MBTD1: variants seen among roughly 807,000 people sequenced by gnomAD.
MBTD1 encodes mbt domain containing 1, also known as MBT domain-containing protein 1.
Under a neutral mutation model 87.8 loss-of-function variants are expected in MBTD1, and 24 were observed. The observed-to-expected ratio is 0.27, with a 90% CI of 0.20 to 0.38. The LOEUF (loss-of-function observed/expected upper bound fraction) is 0.38, where lower values mean the gene tolerates loss of function less well. Ranked by LOEUF, MBTD1 falls within the 10% of genes least tolerant of loss-of-function variation. MBTD1 has a pLI of 1.00. For missense variants in MBTD1, 436 were observed against 760.2 expected, an observed-to-expected ratio of 0.57 and a Z score of 5.02; for synonymous variants, 237 against 248.6, an observed-to-expected ratio of 0.95 and a Z score of 0.44.
intron 6 of MBTD1, among the ~76,000 whole-genome samples, chr17:51,214,266 C>A (rs147353369): frequency 1.3e-3 from 204 of 152,032 alleles, no homozygotes; most frequent in African/African-American, 4.6e-3. Flanking sequence ...TGTGCCCAGC[C>A]TAAGTAGAAA....
At chr17:51,197,706 G>C (rs1350690879) in intron 12 of MBTD1, among the ~76,000 whole-genome samples, 24 of 151,954 alleles carry the variant, frequency 1.6e-4, no homozygotes, top group Non-Finnish European at 4.4e-5. Flanking sequence ...CTATTGCTCA[G>C]GCTGGTTTCA....
chr17:51,233,573 A>G (rs897376605), intron 2 of MBTD1, among the ~76,000 whole-genome samples: 21 of 152,178 alleles, frequency 1.4e-4, no homozygotes, highest in Admixed American at 1.3e-3. Flanking sequence ...GCAACAAGAA[A>G]GAAAAAAATA....
chr17:51,255,013 T>C (rs945945416), intron 2 of MBTD1, among the ~76,000 whole-genome samples: 1 of 152,208 alleles, frequency 6.6e-6, no homozygotes, highest in African/African-American at 2.4e-5. Flanking sequence ...CCAGGCGCAG[T>C]GGCTCACGCC....
chr17:51,216,543 T>C (rs1226878042), intron 6 of MBTD1, among the ~76,000 whole-genome samples: 1 of 152,194 alleles, frequency 6.6e-6, no homozygotes, highest in East Asian at 1.9e-4. Context: ...GCACATATTT[T>C]AGCTCACAAT....
chr17:51,209,831 A>C (rs2052066694), intron 6 of MBTD1, among the ~76,000 whole-genome samples: 1 of 152,242 alleles, frequency 6.6e-6, no homozygotes, highest in African/African-American at 2.4e-5. Context: ...AAATGTCTTC[A>C]GACTAACAGG....
intron 2 of MBTD1, among the ~76,000 whole-genome samples, chr17:51,242,229 T>C (rs115664169): frequency 3.2e-4 from 49 of 152,348 alleles, no homozygotes; most frequent in African/African-American, 1.1e-3. Flanking sequence ...GACATATATA[T>C]ACACACATGT....
At chr17:51,229,881 C>T (rs781062043) in intron 2 of MBTD1, among the ~76,000 whole-genome samples, 1 of 152,062 alleles carries the variant, frequency 6.6e-6, no homozygotes, top group East Asian at 1.9e-4. Flanking sequence ...AGGATGGTCT[C>T]GATCTCCTGA....
intron 9 of MBTD1, 80 bp from the exon 10 acceptor site, chr17:51,203,015 A>T: frequency 7.9e-7 from 1 of 1,273,612 alleles, no homozygotes; most frequent in Non-Finnish European, 1.1e-6. Flanking sequence ...TGTAAAAAAT[A>T]CTGAATGCAC....
chr17:51,252,760 A>T (rs982995013), intron 2 of MBTD1, among the ~76,000 whole-genome samples: 3 of 151,622 alleles, frequency 2.0e-5, no homozygotes, highest in Admixed American at 2.0e-4. Flanking sequence ...ACAAAACAAA[A>T]CCCCAAAAAA....
intron 12 of MBTD1, 87 bp downstream of exon 12, chr17:51,201,505 A>G: frequency 1.3e-6 from 1 of 776,576 alleles, no homozygotes. Context: ...ATTTTATGTC[A>G]AAACGAATAT....
intron 6 of MBTD1, among the ~76,000 whole-genome samples, chr17:51,211,504 TAA>T (rs35259426): frequency 5.2e-5 from 7 of 135,182 alleles, no homozygotes; most frequent in Admixed American, 7.5e-5. Context: ...TGAGACTGTT[TAA>T]AAAAAAAAAA....
At position 51,193,524 on chromosome 17, in the gene MBTD1, C is replaced by T; in HGVS notation, c.1373-14G>A. 7.0e-7 allele frequency: 1 copy of T among 1,428,428 alleles called. No individual in the cohort carries two copies. The highest frequency in any genetic ancestry group is 9.8e-7 in the Non-Finnish European group (1 of 1,016,246). 88.5% of individuals were successfully genotyped at this position (1,428,428 alleles called of 1,614,324 possible). ...GTTTTGTGTAACCTAAAAAACACAACTGGTTTAACTAGCAGTTCATTTAAA... is the reference window on the plus strand; with the variant it reads ...GTTTTGTGTAACCTAAAAAACACAATTGGTTTAACTAGCAGTTCATTTAAA... On this transcript the variant is annotated splice_polypyrimidine_tract_variant and intron_variant, in intron 13 of 16. Coordinates refer to ENST00000586178, the MANE Select transcript of MBTD1 (RefSeq NM_017643.3).
At chr17:51,247,795 A>G (rs2054535010) in intron 2 of MBTD1, among the ~76,000 whole-genome samples, 1 of 152,146 alleles carries the variant, frequency 6.6e-6, no homozygotes, top group African/African-American at 2.4e-5. Context: ...TCCATTTTCT[A>G]TACTCATGTA....
chr17:51,256,481 C>T (rs1026408030), intron 2 of MBTD1: 1 of 152,166 alleles, frequency 6.6e-6, no homozygotes, highest in Admixed American at 6.5e-5. Flanking sequence ...ATTAAAAACA[C>T]ATTCCCAGGA....
At chr17:51,218,888 C>G in intron 5 of MBTD1, 42 bp downstream of exon 5, 2 of 1,116,732 alleles carry the variant, frequency 1.8e-6, no homozygotes, top group Non-Finnish European at 2.6e-6. Flanking sequence ...CTAAATGAAT[C>G]AATGTCATAT....
rs900441697 is a variant in MBTD1 at position 51,192,668 on chromosome 17, A to G, written c.1690+114T>C. On this transcript the variant is annotated intron_variant, in intron 15 of 16. Transcript: ENST00000586178. Reference sequence around the variant, plus strand: ...GTCTTAATGTCTTACCTGGCAACCAATCAGACATAGGTATATTCTTGTCCT... The same window carrying G: ...GTCTTAATGTCTTACCTGGCAACCAGTCAGACATAGGTATATTCTTGTCCT... 14 of 1,524,190 alleles carry G rather than the reference A, an allele frequency of 9.2e-6. No individual in the cohort carries two copies. In the Admixed American group the frequency reaches 2.4e-4, roughly 26 times the overall value. The allele number at this position is 1,524,190 out of a possible 1,614,324, so 94.4% of individuals were successfully genotyped here.
intron 2 of MBTD1, among the ~76,000 whole-genome samples, chr17:51,247,342 G>C (rs1024048775): frequency 2.6e-5 from 4 of 152,066 alleles, no homozygotes; most frequent in African/African-American, 9.7e-5. Flanking sequence ...TATAGTGTGA[G>C]AGACTGCACA....
intron 2 of MBTD1, among the ~76,000 whole-genome samples, chr17:51,256,102 A>C (rs984523496): frequency 3.3e-5 from 5 of 152,224 alleles, no homozygotes; most frequent in Non-Finnish European, 7.3e-5. Flanking sequence ...AAACATAGTG[A>C]AAAAGGAAAA....
chr17:51,260,738 G>T (rs1451908252), upstream of MBTD1: 2 of 1,587,882 alleles, frequency 1.3e-6, no homozygotes. Context: ...GAAACCGCCG[G>T]CCCGGCCGAG....
Sources: gnomAD v4.1 joint callset for allele counts (sites outside exome capture counted in the v4.1 genomes callset) on GRCh38, gnomAD v4.1.1 for gene constraint, MANE v1.5 for transcripts, NCBI Gene and HGNC (gene_info 2026-07-23, HGNC 2026-07-21) for gene names.